LTBP1: variants seen among roughly 807,000 people sequenced by gnomAD.
The protein encoded by LTBP1 is latent transforming growth factor beta binding protein 1, also known as latent-transforming growth factor beta-binding protein 1.
LTBP1 carries 129 observed loss-of-function variants against 207.6 expected under a neutral mutation model. That is an observed-to-expected ratio of 0.62 (90% CI 0.54 to 0.72). The LOEUF is 0.72. Among genes scored for constraint, LTBP1 ranks in the 30% least tolerant of loss-of-function variants. LTBP1 has a pLI of 0.00. For synonymous variants in LTBP1, 963 were observed against 833.7 expected (o/e 1.16, Z -2.67); for missense variants, 2,281 against 2,217.2 (o/e 1.03, Z -0.58).
At chr2:33,327,392 T>A (rs946994952) in intron 24 of LTBP1, among the ~76,000 whole-genome samples, 8 of 152,190 alleles carry the variant, frequency 5.3e-5, no homozygotes, top group South Asian at 2.1e-4. Flanking sequence ...CGATTTTTTT[T>A]AATGACATAA....
chr2:33,214,240 A>G (rs2090522273), intron 7 of LTBP1, among the ~76,000 whole-genome samples: 1 of 152,184 alleles, frequency 6.6e-6, no homozygotes, highest in Non-Finnish European at 1.5e-5. Context: ...GTGTTTTTAC[A>G]GAATCATTTT....
At chr2:33,191,791 A>G (rs2087915628) in intron 7 of LTBP1, among the ~76,000 whole-genome samples, 1 of 152,228 alleles carries the variant, frequency 6.6e-6, no homozygotes, top group Non-Finnish European at 1.5e-5. Context: ...ATTAATTGCA[A>G]GTGTCAAACA....
chr2:33,342,372 T>C (rs1365320917), intron 24 of LTBP1, among the ~76,000 whole-genome samples: 1 of 152,226 alleles, frequency 6.6e-6, no homozygotes, highest in Non-Finnish European at 1.5e-5. Flanking sequence ...GGATGTTGTG[T>C]AGTCTGGATC....
At chr2:33,352,857 A>G (rs1003980026) in intron 26 of LTBP1, among the ~76,000 whole-genome samples, 3 of 151,736 alleles carry the variant, frequency 2.0e-5, no homozygotes, top group Non-Finnish European at 1.5e-5. Flanking sequence ...TCATACCTAC[A>G]TCCAAGCCCA....
intron 9 of LTBP1, among the ~76,000 whole-genome samples, chr2:33,239,847 C>T (rs1344750121): frequency 2.6e-5 from 4 of 151,590 alleles, no homozygotes; most frequent in South Asian, 2.1e-4. Context: ...AAGGTTGCAG[C>T]GACCTGAGAT....
At chr2:33,272,134 G>A (rs1322393868) in intron 15 of LTBP1, among the ~76,000 whole-genome samples, 1 of 152,204 alleles carries the variant, frequency 6.6e-6, no homozygotes, top group Non-Finnish European at 1.5e-5. Flanking sequence ...CAAAGTCACA[G>A]CACAGTGAAT....
rs75748051 is a variant in LTBP1 at position 33,328,224 on chromosome 2, A to T, written c.3730+12955A>T. Among the ~76,000 whole-genome samples, 918 of 151,998 alleles carry T rather than the reference A, an allele frequency of 6.0e-3. 8 individuals carry two copies. The highest frequency in any genetic ancestry group is 0.021 in the African/African-American group (887 of 41,330). On this transcript the variant is annotated intron_variant, in intron 24 of 33. Transcript: ENST00000404816. ...CTAAATCATAAGGCCACCACTTGACAAGCATTTATAGTGAGCATACCTGGT... is the reference window on the plus strand; with the variant it reads ...CTAAATCATAAGGCCACCACTTGACTAGCATTTATAGTGAGCATACCTGGT...
At chr2:33,133,177 A>G (rs887231625) in intron 4 of LTBP1, among the ~76,000 whole-genome samples, 1 of 152,204 alleles carries the variant, frequency 6.6e-6, no homozygotes, top group Non-Finnish European at 1.5e-5. Context: ...TTCTTTGGTT[A>G]AAGTTCTTTG....
At chr2:33,191,506 A>G (rs1399693275) in intron 7 of LTBP1, among the ~76,000 whole-genome samples, 1 of 152,194 alleles carries the variant, frequency 6.6e-6, no homozygotes, top group Admixed American at 6.5e-5. Flanking sequence ...TTCATGAGGA[A>G]TGTTGCTGGA....
chr2:33,305,917 C>G (rs1340983287), intron 22 of LTBP1, among the ~76,000 whole-genome samples: 1 of 152,108 alleles, frequency 6.6e-6, no homozygotes, highest in African/African-American at 2.4e-5. Context: ...TTTTAGCAAG[C>G]TGGAAGTAGT....
intron 3 of LTBP1, among the ~76,000 whole-genome samples, chr2:33,058,374 T>C (rs2077108583): frequency 6.6e-6 from 1 of 152,232 alleles, no homozygotes; most frequent in Non-Finnish European, 1.5e-5. Flanking sequence ...TCCTTTGTTT[T>C]ACAGATGAGA....
intron 2 of LTBP1, among the ~76,000 whole-genome samples, chr2:32,958,209 A>C (rs1678409951): frequency 6.6e-6 from 1 of 152,174 alleles, no homozygotes; most frequent in Non-Finnish European, 1.5e-5. Context: ...TCCATTCACA[A>C]AATAGGAATA....
intron 24 of LTBP1, among the ~76,000 whole-genome samples, chr2:33,324,942 T>C (rs2094407750): frequency 6.6e-6 from 1 of 152,150 alleles, no homozygotes; most frequent in African/African-American, 2.4e-5. Flanking sequence ...TCTGACCTTG[T>C]AATCCACCCA....
intron 3 of LTBP1, among the ~76,000 whole-genome samples, chr2:33,071,142 C>G (rs536336767): frequency 2.0e-5 from 3 of 152,152 alleles, no homozygotes; most frequent in Non-Finnish European, 4.4e-5. Context: ...CAGTCCCTGA[C>G]TAGATAAGCA....
At chr2:33,128,848 C>G (rs1269919423) in intron 4 of LTBP1, among the ~76,000 whole-genome samples, 3 of 152,190 alleles carry the variant, frequency 2.0e-5, no homozygotes, top group African/African-American at 4.8e-5. Context: ...GACCTTTCTT[C>G]TTGGAGGATG....
At chr2:33,324,611 A>C (rs2094402157) in intron 24 of LTBP1, among the ~76,000 whole-genome samples, 1 of 152,130 alleles carries the variant, frequency 6.6e-6, no homozygotes, top group African/African-American at 2.4e-5. Context: ...CAACATATAT[A>C]ACATGCAGAT....
At chr2:33,364,890 T>TA (rs1405176224) in intron 30 of LTBP1, among the ~76,000 whole-genome samples, 3 of 152,206 alleles carry the variant, frequency 2.0e-5, no homozygotes, top group African/African-American at 7.2e-5. Context: ...AGGTAGGAAT[T>TA]AAAGACTCTA....
At chr2:33,189,720 C>G (rs1352600021) in intron 7 of LTBP1, among the ~76,000 whole-genome samples, 1 of 152,130 alleles carries the variant, frequency 6.6e-6, no homozygotes, top group South Asian at 2.1e-4. Context: ...TTCATGTTAT[C>G]TTTTATTTTC....
At chr2:33,276,399 A>C (rs1019506568) in intron 18 of LTBP1, among the ~76,000 whole-genome samples, 1 of 152,250 alleles carries the variant, frequency 6.6e-6, no homozygotes, top group African/African-American at 2.4e-5. Context: ...GTCAGATTCC[A>C]ACTGTGCTTA....
Sources: allele counts gnomAD v4.1 joint callset (sites outside exome capture counted in the v4.1 genomes callset), GRCh38; gene constraint gnomAD v4.1.1; transcripts MANE v1.5; gene names NCBI Gene and HGNC (gene_info 2026-07-23, HGNC 2026-07-21).